The following ERBB4 variants were observed in gnomAD, a reference collection of about 807,000 sequenced individuals.
ERBB4 encodes erb-b2 receptor tyrosine kinase 4, also known as receptor tyrosine-protein kinase erbB-4.
Under a neutral mutation model 158.0 loss-of-function variants are expected in ERBB4, and 42 were observed. That is an observed-to-expected ratio of 0.27 (90% confidence interval 0.21 to 0.34). The LOEUF is 0.34. Among genes scored for constraint, ERBB4 ranks in the 10% least tolerant of loss-of-function variants. The pLI, the probability that ERBB4 is intolerant of heterozygous loss-of-function variation, is 1.00. For synonymous variants in ERBB4, 583 were observed against 558.7 expected, an observed-to-expected ratio of 1.04 and a Z score of -0.61; for missense variants, 1,333 against 1,624.1, an observed-to-expected ratio of 0.82 and a Z score of 3.08.
intron 14 of ERBB4, 27 bp from the exon 15 acceptor site, chr2:211,665,504 A>G (rs2071597110): frequency 6.2e-7 from 1 of 1,610,438 alleles, no homozygotes; most frequent in Non-Finnish European, 8.5e-7. Flanking sequence ...AAAAAAAAAG[A>G]AAAAAGAAAA....
intron 1 of ERBB4, among the ~76,000 whole-genome samples, chr2:212,140,827 G>GA (rs2080438840): frequency 6.7e-6 from 1 of 148,982 alleles, no homozygotes; most frequent in Admixed American, 6.8e-5. Context: ...TTTCCCACCT[G>GA]AATAGACTAG....
chr2:211,827,967 A>G (rs2077139017), intron 3 of ERBB4, among the ~76,000 whole-genome samples: 1 of 152,200 alleles, frequency 6.6e-6, no homozygotes, highest in Admixed American at 6.6e-5. Flanking sequence ...AACAGAGGCA[A>G]AAAAGCAAGT....
intron 2 of ERBB4, among the ~76,000 whole-genome samples, chr2:212,036,901 G>A (rs1161589696): frequency 3.3e-5 from 5 of 152,246 alleles, no homozygotes; most frequent in African/African-American, 1.2e-4. Flanking sequence ...CTCATTGTGC[G>A]TCTAAAGTTC....
chr2:211,466,539 C>G (rs1246195198), intron 20 of ERBB4, among the ~76,000 whole-genome samples: 1 of 152,022 alleles, frequency 6.6e-6, no homozygotes, highest in Non-Finnish European at 1.5e-5. Flanking sequence ...GAACTGATCT[C>G]CAACAACATT....
At chr2:212,527,372 G>T (rs1427966942) in intron 1 of ERBB4, among the ~76,000 whole-genome samples, 1 of 151,898 alleles carries the variant, frequency 6.6e-6, no homozygotes, top group Non-Finnish European at 1.5e-5. Context: ...CACTACTTTT[G>T]CACCAACTTA....
At chr2:212,278,284 C>A (rs1480169011) in intron 1 of ERBB4, among the ~76,000 whole-genome samples, 3 of 151,668 alleles carry the variant, frequency 2.0e-5, no homozygotes, top group Admixed American at 6.6e-5. Context: ...TGTTCATGGG[C>A]CAACTCATCA....
intron 1 of ERBB4, among the ~76,000 whole-genome samples, chr2:212,129,406 T>C (rs764253184): frequency 3.7e-4 from 56 of 151,324 alleles, no homozygotes; most frequent in South Asian, 2.5e-3. Context: ...TATAAAAAGG[T>C]ATACAATATT....
At chr2:211,755,481 G>T (rs2075269776) in intron 4 of ERBB4, among the ~76,000 whole-genome samples, 1 of 152,088 alleles carries the variant, frequency 6.6e-6, no homozygotes, top group African/African-American at 2.4e-5. Context: ...CAGCCTGGGC[G>T]ACGGATCAGA....
At chr2:212,379,167 A>G (rs1470819163) in intron 1 of ERBB4, among the ~76,000 whole-genome samples, 1 of 151,782 alleles carries the variant, frequency 6.6e-6, no homozygotes, top group Non-Finnish European at 1.5e-5. Context: ...TTATCTAAAG[A>G]GGGGGAACAA....
At chr2:211,944,965 T>TA (rs367941272) in intron 3 of ERBB4, among the ~76,000 whole-genome samples, 19 of 152,230 alleles carry the variant, frequency 1.2e-4, no homozygotes, top group African/African-American at 4.1e-4. Flanking sequence ...ATACCAGGTA[T>TA]AAAAAATTAA....
intron 20 of ERBB4, among the ~76,000 whole-genome samples, chr2:211,556,193 G>C (rs747392422): frequency 6.6e-6 from 1 of 152,070 alleles, no homozygotes; most frequent in Non-Finnish European, 1.5e-5. Context: ...GACAAAAAGG[G>C]GCATTACATA....
At chr2:211,872,089 T>C (rs2078360821) in intron 3 of ERBB4, among the ~76,000 whole-genome samples, 1 of 52,684 alleles carries the variant, frequency 1.9e-5, no homozygotes, top group Non-Finnish European at 5.7e-5. Context: ...CATGAATGAA[T>C]TATTAATTTT....
intron 3 of ERBB4, among the ~76,000 whole-genome samples, chr2:211,932,800 T>C (rs1362653191): frequency 6.6e-6 from 1 of 151,994 alleles, no homozygotes; most frequent in Non-Finnish European, 1.5e-5. Context: ...TAAATGAACT[T>C]TAAAGTTACA....
At chr2:212,527,723 C>G (rs1353298824) in intron 1 of ERBB4, among the ~76,000 whole-genome samples, 7 of 118,906 alleles carry the variant, frequency 5.9e-5, no homozygotes, top group Non-Finnish European at 1.4e-4. Flanking sequence ...TATTATTATA[C>G]TTTAAGTTTT....
intron 3 of ERBB4, among the ~76,000 whole-genome samples, chr2:211,842,298 A>C (rs1488950510): frequency 6.6e-6 from 1 of 151,744 alleles, no homozygotes; most frequent in East Asian, 1.9e-4. Flanking sequence ...AAAGGGGTTG[A>C]TATTAGCAAA....
At chr2:211,391,682 C>T (rs972869452) in intron 25 of ERBB4, among the ~76,000 whole-genome samples, 30 of 152,092 alleles carry the variant, frequency 2.0e-4, no homozygotes, top group African/African-American at 7.0e-4. Flanking sequence ...ATTAAATGCA[C>T]TTTTAAATAC....
chr2:211,518,188 T>C (rs1019634062), intron 20 of ERBB4, among the ~76,000 whole-genome samples: 16 of 152,048 alleles, frequency 1.1e-4, no homozygotes, highest in Non-Finnish European at 2.1e-4. Context: ...TCTGTACCTA[T>C]AAAATGGGGG....
At chr2:212,166,341 C>T (rs1029692844) in intron 1 of ERBB4, among the ~76,000 whole-genome samples, 1 of 151,988 alleles carries the variant, frequency 6.6e-6, no homozygotes, top group Admixed American at 6.6e-5. Context: ...GTTGGAAATT[C>T]ATTTGGTTGA....
intron 2 of ERBB4, among the ~76,000 whole-genome samples, chr2:212,037,124 T>C (rs1020110102): frequency 6.6e-6 from 1 of 152,208 alleles, no homozygotes; most frequent in Non-Finnish European, 1.5e-5. Flanking sequence ...TTGTTTGTTG[T>C]TCATTTGTTT....
Sources: allele counts gnomAD v4.1 joint callset (sites outside exome capture counted in the v4.1 genomes callset), GRCh38; gene constraint gnomAD v4.1.1; transcripts MANE v1.5; gene names NCBI Gene and HGNC (gene_info 2026-07-23, HGNC 2026-07-21).